Variants in NEIL3 observed in about 807,000 individuals in gnomAD.
NEIL3 encodes endonuclease 8-like 3.
NEIL3 carries 48 observed loss-of-function variants against 57.5 expected under a neutral mutation model. The ratio of observed to expected loss-of-function variants is 0.83; its 90% CI spans 0.66 to 1.06. NEIL3 has a LOEUF of 1.06. NEIL3 is among the 50% of genes least tolerant of loss of function. The probability of loss-of-function intolerance (pLI) is 0.00; values close to 1 mark genes in which losing one functional copy is unlikely to be tolerated. For synonymous variants in NEIL3, 261 were observed against 253.2 expected (o/e 1.03, Z -0.29); for missense variants, 717 against 739.1 (o/e 0.97, Z 0.35).
In NEIL3 at chr4:177,339,863, A is replaced by G. The variant is rs761355527; in HGVS notation, c.702+6A>G. ...TCAGCATTCTCTTTTACAGGGTAAG[A>G]GCAAAATTTTTCAACTGTGTAAAAT... On this transcript the variant is annotated splice_donor_region_variant and intron_variant, in intron 5 of 9. Coordinates refer to ENST00000264596, the MANE Select transcript of NEIL3 (RefSeq NM_018248.3). The G allele has an allele frequency of 2.5e-6, 4 of 1,602,870 alleles. No individual in the cohort carries two copies. Among genetic ancestry groups the G allele is most frequent in the Non-Finnish European group, 3.4e-6 (4 of 1,170,130 alleles).
chr4:177,321,383 C>T (rs6834946), intron 1 of NEIL3, among the ~76,000 whole-genome samples: 22,467 of 151,804 alleles, frequency 0.15, 3,187 homozygotes, highest in African/African-American at 0.36. Flanking sequence ...ATAATAATTA[C>T]GCATGTCTTA....
chr4:177,310,242 GT>G (rs1457166490), intron 1 of NEIL3, 133 bp downstream of exon 1: 1 of 1,045,630 alleles, frequency 9.6e-7, no homozygotes, highest in Non-Finnish European at 1.3e-6. Flanking sequence ...CTTTCACAGA[GT>G]TTATCGTCAC....
At position 177,341,651 on chromosome 4, in the gene NEIL3, T is replaced by C. The variant is rs35686329; in HGVS notation, c.869+9T>C. The C allele has an allele frequency of 0.15, 235,278 of 1,605,762 alleles. 18,438 individuals carry two copies. Among genetic ancestry groups the C allele is most frequent in the Non-Finnish European group, 0.16 (188,025 of 1,174,020 alleles). Reference sequence around the variant, plus strand: ...CAACATGTTGACATATGGTAAGATATTGAATTTAAAGGGATACCATTTGCC... The same window carrying C: ...CAACATGTTGACATATGGTAAGATACTGAATTTAAAGGGATACCATTTGCC... On this transcript the variant is annotated intron_variant, in intron 6 of 9. Transcript: ENST00000264596.
At chr4:177,357,410 T>C (rs868459899) in intron 8 of NEIL3, among the ~76,000 whole-genome samples, 1 of 150,604 alleles carries the variant, frequency 6.6e-6, no homozygotes, top group Non-Finnish European at 1.5e-5. Context: ...TTACTGTATT[T>C]TATGTGTGGC....
chr4:177,337,042 A>AT (rs1043598303), intron 4 of NEIL3, among the ~76,000 whole-genome samples: 29 of 150,836 alleles, frequency 1.9e-4, no homozygotes, highest in African/African-American at 6.4e-4. Context: ...TGGTTATTTT[A>AT]TTTTTTTTCT....
At chr4:177,367,371 C>T (rs994104446), downstream of NEIL3, among the ~76,000 whole-genome samples, 1 of 147,410 alleles carries the variant, frequency 6.8e-6, no homozygotes, top group Non-Finnish European at 1.5e-5. Context: ...ATTTACAGAG[C>T]CCTTGCGATG....
intron 8 of NEIL3, chr4:177,353,983 C>A: frequency 2.7e-6 from 1 of 365,500 alleles, no homozygotes; most frequent in South Asian, 3.5e-5. Flanking sequence ...CCAGGCTGGT[C>A]TCAATCTCCT....
Position 177,341,473 on chromosome 4 carries a change from T to G in NEIL3, c.703-3T>G. The stretch of plus-strand genomic sequence containing the variant: ...AGAATTTTTTGGTTTTTTTTTTTTT[T>G]AGTGCCGTAAAGCAGGACTTGCTCT... On this transcript the variant is annotated splice_polypyrimidine_tract_variant and splice_region_variant and intron_variant, in intron 5 of 9. Transcript: ENST00000264596. 1 of 1,553,584 alleles carries G rather than the reference T, an allele frequency of 6.4e-7. No homozygotes were observed. Among genetic ancestry groups the G allele is most frequent in the African/African-American group, 1.4e-5 (1 of 71,212 alleles).
intron 2 of NEIL3, among the ~76,000 whole-genome samples, chr4:177,329,818 G>A (rs2110899677): frequency 6.6e-6 from 1 of 152,206 alleles, no homozygotes; most frequent in South Asian, 2.1e-4. Context: ...AGCAAAATGA[G>A]TCTTAACAAA....
At chr4:177,364,893 A>G (rs1228560600), downstream of NEIL3, among the ~76,000 whole-genome samples, 2 of 149,982 alleles carry the variant, frequency 1.3e-5, no homozygotes, top group Admixed American at 1.3e-4. Context: ...TCGCCATTGC[A>G]CTCCAGCCTG....
At chr4:177,313,716 A>C (rs1056352813) in intron 1 of NEIL3, among the ~76,000 whole-genome samples, 2 of 152,226 alleles carry the variant, frequency 1.3e-5, no homozygotes, top group African/African-American at 4.8e-5. Flanking sequence ...ACATGGTCTG[A>C]TTATTTCCAT....
rs1026155433 is a variant in NEIL3, at chr4:177,356,893, C to T, written c.1460+3165C>T. ...AGAGCAAAACACAGTGATGCAGTTT[C>T]AAAGAATGCATGTGTTTTAGGCTGA... On this transcript the variant is annotated intron_variant, in intron 8 of 9. Transcript: ENST00000264596. 2.6e-5 allele frequency: 4 copies of T among 152,172 alleles called. No homozygotes were observed. The South Asian group carries it at 6.2e-4, about 24-fold the overall frequency. The allele number at this position is 152,172 out of a possible 1,614,324, so 9.4% of individuals were successfully genotyped here.
chr4:177,323,763 A>T (rs187388435), intron 2 of NEIL3, among the ~76,000 whole-genome samples: 3 of 152,322 alleles, frequency 2.0e-5, no homozygotes, highest in Admixed American at 2.0e-4. Flanking sequence ...CTCTGGTGTT[A>T]GGTACAGATT....
chr4:177,351,206 C>CAAA (rs749430879), intron 6 of NEIL3, among the ~76,000 whole-genome samples, 174 bp from the exon 7 acceptor site: 1,148 of 58,574 alleles, frequency 0.02, 109 homozygotes, highest in Middle Eastern at 0.044. Flanking sequence ...CCCATCTCTA[C>CAAA]AAAAAAAAAA....
intron 2 of NEIL3, among the ~76,000 whole-genome samples, chr4:177,330,968 G>A (rs1734875171): frequency 6.6e-6 from 1 of 152,070 alleles, no homozygotes; most frequent in Non-Finnish European, 1.5e-5. Context: ...GAATGACAAA[G>A]GGAACATTAC....
At chr4:177,338,024 T>TCACACACACA (rs35763650) in intron 4 of NEIL3, among the ~76,000 whole-genome samples, 43 of 149,368 alleles carry the variant, frequency 2.9e-4, no homozygotes, top group African/African-American at 6.7e-4. Flanking sequence ...TCTCTCTCTC[T>TCACACACACA]CACACACACA....
intron 6 of NEIL3, among the ~76,000 whole-genome samples, chr4:177,346,617 C>G (rs1422791712): frequency 6.6e-6 from 1 of 152,204 alleles, no homozygotes; most frequent in Non-Finnish European, 1.5e-5. Flanking sequence ...TGCCTCTCCT[C>G]CCTCCGTGCA....
In NEIL3 at chr4:177,322,560, C is replaced by T; in HGVS notation, c.258C>T (p.Tyr86=). The part of the protein sequence containing the change: ...VETLGKELFM[Y]FGPKALRIHF... ...CTTTGGGGAAGGAGCTCTTTATGTA[C>T]TTTGGACCAAAAGCTTTACGGTAAG... is the stretch of plus-strand genomic sequence containing the variant. The change falls in exon 2 of 10, where the codon TAC becomes TAT. Residue 86 remains tyrosine (Y), a synonymous_variant. Coordinates refer to ENST00000264596, the MANE Select transcript of NEIL3 (RefSeq NM_018248.3). 6.2e-7 allele frequency: 1 copy of T among 1,613,852 alleles called. No individual in the cohort carries two copies. The highest frequency in any genetic ancestry group is 1.1e-5 in the South Asian group (1 of 91,070).
intron 6 of NEIL3, chr4:177,342,921 C>A (rs1468669076): frequency 6.6e-6 from 1 of 152,276 alleles, no homozygotes; most frequent in South Asian, 2.1e-4. Flanking sequence ...TGGTTAAGGT[C>A]TTTCCTAAAT....
Sources: allele counts gnomAD v4.1 joint callset (sites outside exome capture counted in the v4.1 genomes callset), GRCh38; gene constraint gnomAD v4.1.1; transcripts MANE v1.5; gene names NCBI Gene and HGNC (gene_info 2026-07-23, HGNC 2026-07-21).